The following DIS3L2 variants were observed in gnomAD, a reference collection of about 807,000 sequenced individuals.
The protein encoded by DIS3L2 is DIS3-like exonuclease 2.
A neutral mutation model predicts 97.5 loss-of-function variants in DIS3L2; 34 were observed. The ratio of observed to expected loss-of-function variants is 0.35; its 90% CI spans 0.27 to 0.46. The LOEUF is 0.46. Among genes scored for constraint, DIS3L2 ranks in the 20% least tolerant of loss-of-function variants. The probability of loss-of-function intolerance (pLI) is 1.00; values close to 1 mark genes in which losing one functional copy is unlikely to be tolerated. For missense variants in DIS3L2, 1,038 were observed against 1,146.0 expected, an observed-to-expected ratio of 0.91 and a Z score of 1.36; for synonymous variants, 435 against 445.2, an observed-to-expected ratio of 0.98 and a Z score of 0.29.
intron 6 of DIS3L2, among the ~76,000 whole-genome samples, chr2:232,091,793 A>T (rs1696845116): frequency 6.6e-6 from 1 of 152,188 alleles, no homozygotes; most frequent in African/African-American, 2.4e-5. Context: ...CCTTTTCTCC[A>T]CATCCTCACC....
rs144347014 is a variant in DIS3L2, at chr2:232,257,939, A to G, written c.1426-5268A>G. Among the ~76,000 whole-genome samples, 1,054 of 152,354 alleles carry G rather than the reference A, an allele frequency of 6.9e-3. 6 individuals are homozygous for G. The highest frequency in any genetic ancestry group is 0.011 in the Non-Finnish European group (738 of 68,026). ...TTAACTGGATCTGGTCTTGGCCGCCACTTAGGAGTTTGTATGACTTTTGAC... is the reference window on the plus strand; with the variant it reads ...TTAACTGGATCTGGTCTTGGCCGCCGCTTAGGAGTTTGTATGACTTTTGAC... On this transcript the variant is annotated intron_variant, in intron 12 of 20. Transcript: ENST00000325385.
chr2:232,318,434 A>T (rs181342659), intron 14 of DIS3L2, among the ~76,000 whole-genome samples: 1 of 152,366 alleles, frequency 6.6e-6, no homozygotes, highest in East Asian at 1.9e-4. Flanking sequence ...GACGCCTATT[A>T]GTGCCAGGTA....
chr2:232,237,029 C>T (rs1337831123), intron 10 of DIS3L2, among the ~76,000 whole-genome samples: 5 of 152,204 alleles, frequency 3.3e-5, no homozygotes, highest in Admixed American at 3.3e-4. Context: ...GGATTACAGG[C>T]ATGAGCCACC....
Position 232,015,026 on chromosome 2 carries a change from A to T in DIS3L2, c.52+47A>T, listed in dbSNP as rs78129899. 2.8e-3 allele frequency: 4,482 copies of T among 1,601,686 alleles called. 4 individuals carry two copies. The highest frequency in any genetic ancestry group is 3.1e-3 in the Non-Finnish European group (3,645 of 1,169,676). On this transcript the variant is annotated intron_variant, in intron 2 of 20. Coordinates refer to ENST00000325385, the MANE Select transcript of DIS3L2 (RefSeq NM_152383.5). The stretch of plus-strand genomic sequence containing the variant: ...CTGCCTGAATAACTGGAGAACTGAA[A>T]TGAAAGTGGAATGGGTGTGAAGTGG...
At chr2:232,199,030 G>T (rs895434259) in intron 9 of DIS3L2, among the ~76,000 whole-genome samples, 2 of 151,972 alleles carry the variant, frequency 1.3e-5, no homozygotes, top group African/African-American at 4.8e-5. Context: ...GGAAATCTTT[G>T]TCTGTTCTCA....
intron 5 of DIS3L2, among the ~76,000 whole-genome samples, chr2:232,031,997 T>A (rs1694817753): frequency 1.3e-5 from 2 of 152,248 alleles, no homozygotes; most frequent in African/African-American, 4.8e-5. Flanking sequence ...TACAGTAGAA[T>A]GATTTATAAT....
chr2:232,322,749 TG>T (rs1163551777), intron 14 of DIS3L2, among the ~76,000 whole-genome samples: 3 of 152,136 alleles, frequency 2.0e-5, no homozygotes, highest in Admixed American at 2.0e-4. Flanking sequence ...TGTAAGAGCG[TG>T]TGTATGTGCA....
chr2:232,010,692 G>A lies in DIS3L2; in HGVS notation c.-93-4143G>A, dbSNP rs115636534. On this transcript the variant is annotated intron_variant, in intron 1 of 20. Coordinates refer to ENST00000325385, the MANE Select transcript of DIS3L2 (RefSeq NM_152383.5). ...TTGCTCTGATACTCGTAAGTACTAAGGCTAGGCTAAGACAAGTGAGATGCA... is the reference window on the plus strand; with the variant it reads ...TTGCTCTGATACTCGTAAGTACTAAAGCTAGGCTAAGACAAGTGAGATGCA... Among the ~76,000 whole-genome samples, 605 of 152,198 alleles carry A rather than the reference G, an allele frequency of 4.0e-3. 1 individual carries two copies. The highest frequency in any genetic ancestry group is 0.014 in the African/African-American group (564 of 41,512).
At chr2:232,079,504 G>T (rs1696318789) in intron 5 of DIS3L2, among the ~76,000 whole-genome samples, 1 of 149,408 alleles carries the variant, frequency 6.7e-6, no homozygotes, top group Non-Finnish European at 1.5e-5. Context: ...GGAGGCTGAG[G>T]CAGGAGAATG....
intron 9 of DIS3L2, among the ~76,000 whole-genome samples, chr2:232,206,030 G>A (rs1692018507): frequency 6.6e-6 from 1 of 152,198 alleles, no homozygotes; most frequent in South Asian, 2.1e-4. Flanking sequence ...CCTTGGGGTA[G>A]GCTTGGTGGC....
intron 10 of DIS3L2, among the ~76,000 whole-genome samples, chr2:232,225,482 A>G (rs1338586429): frequency 1.3e-5 from 2 of 152,348 alleles, no homozygotes; most frequent in Non-Finnish European, 2.9e-5. Context: ...GATATATACC[A>G]TATGAATCTA....
At chr2:232,078,764 T>A (rs1460806801) in intron 5 of DIS3L2, among the ~76,000 whole-genome samples, 1 of 152,226 alleles carries the variant, frequency 6.6e-6, no homozygotes, top group Non-Finnish European at 1.5e-5. Context: ...ATAAATCATA[T>A]GCCTAGATAA....
Position 232,334,742 on chromosome 2 carries a change from G to T in DIS3L2, c.2394+7G>T. On this transcript the variant is annotated splice_region_variant and intron_variant, in intron 19 of 20. Coordinates refer to ENST00000325385, the MANE Select transcript of DIS3L2 (RefSeq NM_152383.5). ...GAAGCGCATCTACTGCAACGTGAGTGCCCTGGGAGAGCCCGGGGGCGGGCA... is the reference window on the plus strand; with the variant it reads ...GAAGCGCATCTACTGCAACGTGAGTTCCCTGGGAGAGCCCGGGGGCGGGCA... 3.1e-6 allele frequency: 5 copies of T among 1,598,736 alleles called. No homozygotes were observed. The highest frequency in any genetic ancestry group is 2.6e-6 in the Non-Finnish European group (3 of 1,173,304).
Position 232,213,317 on chromosome 2 carries a change from C to T in DIS3L2, c.1204+2912C>T, listed in dbSNP as rs568296183. Among the ~76,000 whole-genome samples, 12 of 152,294 alleles carry T rather than the reference C, an allele frequency of 7.9e-5. No homozygotes were observed. The East Asian group carries it at 1.9e-3, about 24-fold the overall frequency. On this transcript the variant is annotated intron_variant, in intron 10 of 20. Transcript: ENST00000325385. ...ACTGCACCAGGTGATCAGATACCTT[C>T]CATCCACTTAGTTTTTCTTGCATTC...
intron 13 of DIS3L2, among the ~76,000 whole-genome samples, chr2:232,265,040 T>C (rs769510424): frequency 3.3e-5 from 5 of 152,234 alleles, no homozygotes; most frequent in Non-Finnish European, 7.3e-5. Context: ...GATTACAGAA[T>C]ACCTACTTTC....
At chr2:232,270,293 C>T (rs1445924010) in intron 13 of DIS3L2, among the ~76,000 whole-genome samples, 6 of 152,126 alleles carry the variant, frequency 3.9e-5, no homozygotes, top group African/African-American at 1.4e-4. Flanking sequence ...CACCTATAGT[C>T]CCATCACCCA....
chr2:232,331,481 G>A (rs1695735221), intron 16 of DIS3L2, among the ~76,000 whole-genome samples: 1 of 152,208 alleles, frequency 6.6e-6, no homozygotes, highest in South Asian at 2.1e-4. Flanking sequence ...GATGGCTTCA[G>A]CTGACCTCAG....
intron 1 of DIS3L2, 37 bp from the exon 2 acceptor site, chr2:232,014,798 A>C: frequency 1.5e-5 from 14 of 948,736 alleles, no homozygotes; most frequent in Non-Finnish European, 1.9e-5. Flanking sequence ...GCTACAGCTT[A>C]ACCGCTCTCC....
chr2:232,219,104 G>A (rs1489335097), intron 10 of DIS3L2, among the ~76,000 whole-genome samples: 2 of 152,114 alleles, frequency 1.3e-5, no homozygotes, highest in African/African-American at 2.4e-5. Context: ...AGATGAAATC[G>A]CCTTCTAAGA....
Sources: gnomAD v4.1 joint callset for allele counts (sites outside exome capture counted in the v4.1 genomes callset) on GRCh38, gnomAD v4.1.1 for gene constraint, MANE v1.5 for transcripts, NCBI Gene and HGNC (gene_info 2026-07-23, HGNC 2026-07-21) for gene names.